The following OR2C3 variants were observed in gnomAD, a reference collection of about 807,000 sequenced individuals.
OR2C3 encodes olfactory receptor family 2 subfamily C member 3, also known as olfactory receptor 2C3.
For synonymous variants in OR2C3, 178 were observed against 163.4 expected, an observed-to-expected ratio of 1.09 and a Z score of -0.68; for missense variants, 425 against 401.5, an observed-to-expected ratio of 1.06 and a Z score of -0.50.
rs1666718212 is a variant in OR2C3 at position 247,527,239 on chromosome 1, T to C, written c.*4310A>G. On this transcript the variant is annotated 3_prime_UTR_variant, in exon 3 of 3. Coordinates refer to ENST00000641802, the MANE Select transcript of OR2C3 (RefSeq NM_198074.6). This position sits in a 1 kb window ranked among gnomAD's most constrained non-coding sequence, Gnocchi z 4.6. ...GTGCCAAACAGGGGCTGATGGATGG[T>C]CAGGGCAAAGCACAGTGCTGTCCTC... 2.6e-6 allele frequency: 1 copy of C among 378,616 alleles called. No individual in the cohort carries two copies. Among genetic ancestry groups the C allele is most frequent in the Admixed American group, 3.3e-5 (1 of 30,702 alleles). 23.5% of individuals were successfully genotyped at this position (378,616 alleles called of 1,614,324 possible).
rs939809145 is a variant in OR2C3 at position 247,528,193 on chromosome 1, C to T, written c.*3356G>A. The T allele has an allele frequency of 1.3e-5, 2 of 151,996 alleles. No individual in the cohort carries two copies. Among genetic ancestry groups the T allele is most frequent in the African/African-American group, 4.8e-5 (2 of 41,356 alleles). 9.4% of individuals were successfully genotyped at this position (151,996 alleles called of 1,614,324 possible). A position where few individuals can be genotyped will look rare whatever the true frequency, so the allele number is the denominator to read the frequency against. ...GTCTGCTTTTTTACTTCCCCTTCCC[C>T]CACCCCCAAGCCCCCAAAATTGTAT... On this transcript the variant is annotated 3_prime_UTR_variant, in exon 3 of 3. Transcript: ENST00000641802.
Position 247,531,648 on chromosome 1 carries a change from T to C in OR2C3, c.864A>G (p.Pro288=), listed in dbSNP as rs779837671. ...FYTVVTPALN[P]LIYTLRNTEV... ...CCGTGTTCCTCAGGGTGTAAATAAG[T>C]GGGTTCAGCGCAGGAGTGACTACGG... is the stretch of plus-strand genomic sequence containing the variant. Residue 288 remains proline, a synonymous_variant, in exon 3 of 3, where the codon CCA becomes CCG. Transcript: ENST00000641802. 3.1e-6 allele frequency: 5 copies of C among 1,614,126 alleles called. No homozygotes were observed. The South Asian group carries it at 5.5e-5, about 18-fold the overall frequency.
chr1:247,531,407 C>G lies in OR2C3; in HGVS notation c.*142G>C. 1.3e-6 allele frequency: 1 copy of G among 769,408 alleles called. No homozygotes were observed. Among genetic ancestry groups the G allele is most frequent in the Non-Finnish European group, 2.1e-6 (1 of 473,310 alleles). The allele number at this position is 769,408 out of a possible 1,614,324, so 47.7% of individuals were successfully genotyped here. A position where few individuals can be genotyped will look rare whatever the true frequency, so the allele number is the denominator to read the frequency against. ...ATGTATTTTCTTGGTCTGGAAATGGCATGAGCACACTCCTTTCAGATTTCC... is the reference window on the plus strand; with the variant it reads ...ATGTATTTTCTTGGTCTGGAAATGGGATGAGCACACTCCTTTCAGATTTCC... On this transcript the variant is annotated 3_prime_UTR_variant, in exon 3 of 3. Coordinates refer to ENST00000641802, the MANE Select transcript of OR2C3 (RefSeq NM_198074.6).
In OR2C3 at chr1:247,530,967, C is replaced by G. The variant is rs977080116; in HGVS notation, c.*582G>C. On this transcript the variant is annotated 3_prime_UTR_variant, in exon 3 of 3. Coordinates refer to ENST00000641802, the MANE Select transcript of OR2C3 (RefSeq NM_198074.6). ...GTCGGTGGGGTTGGGCCGGGAGACC[C>G]GCGGCCGGCGGGGTCCAGGCTGGGG... 1 of 153,308 alleles carries G rather than the reference C, an allele frequency of 6.5e-6. No individual in the cohort carries two copies. Among genetic ancestry groups the G allele is most frequent in the African/African-American group, 2.4e-5 (1 of 41,474 alleles). The allele number at this position is 153,308 out of a possible 1,614,324, so 9.5% of individuals were successfully genotyped here.
chr1:247,534,726 A>G (rs1572325141), intron 1 of OR2C3, among the ~76,000 whole-genome samples: 1 of 152,226 alleles, frequency 6.6e-6, no homozygotes, highest in South Asian at 2.1e-4. Context: ...TTAAAATCCC[A>G]GAGAGTAGAA....
Position 247,531,376 on chromosome 1 carries a change from T to C in OR2C3, c.*173A>G. Reference sequence around the variant, plus strand: ...GAACAAAACTATGATAATTAGCAAATAATAAATGTATTTTCTTGGTCTGGA... The same window carrying C: ...GAACAAAACTATGATAATTAGCAAACAATAAATGTATTTTCTTGGTCTGGA... On this transcript the variant is annotated 3_prime_UTR_variant, in exon 3 of 3. Transcript: ENST00000641802. 1.5e-6 allele frequency: 1 copy of C among 645,168 alleles called. No homozygotes were observed. Among genetic ancestry groups the C allele is most frequent in the Non-Finnish European group, 2.6e-6 (1 of 379,886 alleles). 40.0% of individuals were successfully genotyped at this position (645,168 alleles called of 1,614,324 possible).
rs758421798 is a variant in OR2C3 at position 247,532,311 on chromosome 1, G to A, written c.201C>T (p.Leu67=). Residue 67 remains leucine (L), a synonymous_variant, in exon 3 of 3, where the codon CTC becomes CTT. Transcript: ENST00000641802. ...TGGTGAAGCTCATGTCCAGGAAGGG[G>A]AGGTTGGCAAGAAAGAAGTACATAG... is the stretch of plus-strand genomic sequence containing the variant. ...HTPMYFFLAN[L]PFLDMSFTTS... is the part of the protein sequence containing the mutation. 1.9e-6 allele frequency: 3 copies of A among 1,614,194 alleles called. No homozygotes were observed. The highest frequency in any genetic ancestry group is 2.5e-6 in the Non-Finnish European group (3 of 1,180,032).
rs374766537 is a variant in OR2C3, at chr1:247,531,558, C to T, written c.954G>A (p.Ala318=). Residue 318 remains alanine (A), a synonymous_variant, in exon 3 of 3, where the codon GCG becomes GCA. Transcript: ENST00000641802. ...GAAGGCACTGGAGTCTCTAAATTTG[C>T]GCCAGCTTGCCTGCAGAGCCACAGC... ...ENCCGSAGKL[A]QI The T allele has an allele frequency of 4.2e-5, 68 of 1,612,856 alleles. 5 individuals are homozygous for T. In the South Asian group the frequency reaches 6.4e-4, roughly 15 times the overall value.
In OR2C3 at chr1:247,531,625, G is replaced by A; in HGVS notation, c.887C>T (p.Thr296Met). ...GTGCCGGAGGGCGCTCTTCACCTCC[G>A]TGTTCCTCAGGGTGTAAATAAGTGG... Reference protein sequence around the residue: ...LNPLIYTLRNTEVKSALRHMV... With the variant: ...LNPLIYTLRNMEVKSALRHMV... The change falls in exon 3 of 3, where the codon ACG becomes ATG. Residue 296 changes from threonine to methionine, a missense_variant. Thr to Met is a moderately conservative substitution (Grantham distance 81, BLOSUM62 -1). Transcript: ENST00000641802. 6.2e-7 allele frequency: 1 copy of A among 1,614,088 alleles called. No individual in the cohort carries two copies. Among genetic ancestry groups the A allele is most frequent in the Non-Finnish European group, 8.5e-7 (1 of 1,180,000 alleles).
chr1:247,531,215 A>G lies in OR2C3; in HGVS notation c.*334T>C. 3.6e-6 allele frequency: 1 copy of G among 280,950 alleles called. No individual in the cohort carries two copies. Among genetic ancestry groups the G allele is most frequent in the Non-Finnish European group, 6.7e-6 (1 of 148,322 alleles). 17.4% of individuals were successfully genotyped at this position (280,950 alleles called of 1,614,324 possible). ...TCCCCGCGCGCTCTCAGCGTCGTCA[A>G]AGTTTATTATCCACGGAGCGTCCTG... On this transcript the variant is annotated 3_prime_UTR_variant, in exon 3 of 3. Transcript: ENST00000641802.
Position 247,532,252 on chromosome 1 carries a change from C to T in OR2C3, c.260G>A (p.Trp87Ter). 1 of 1,614,198 alleles carries T rather than the reference C, an allele frequency of 6.2e-7. No individual in the cohort carries two copies. Among genetic ancestry groups the T allele is most frequent in the African/African-American group, 1.3e-5 (1 of 75,048 alleles). ...ATAGCTTATGGTTTTCTGTGGTCCCCAGAGGTTAGCCAGGAGCTGTGGGAC... is the reference window on the plus strand; with the variant it reads ...ATAGCTTATGGTTTTCTGTGGTCCCTAGAGGTTAGCCAGGAGCTGTGGGAC... ...SIVPQLLANL[W>*]GPQKTISYGG... Residue 87 changes from tryptophan (W) to a stop codon, truncating the protein, a stop_gained, in exon 3 of 3, where the codon TGG becomes TAG. Coordinates refer to ENST00000641802, the MANE Select transcript of OR2C3 (RefSeq NM_198074.6). LOFTEE classifies it low-confidence loss of function (END_TRUNC).
At position 247,532,171 on chromosome 1, in the gene OR2C3, A is replaced by G; in HGVS notation, c.341T>C (p.Val114Ala). 3 of 1,614,106 alleles carry G rather than the reference A, an allele frequency of 1.9e-6. No individual in the cohort carries two copies. The highest frequency in any genetic ancestry group is 2.5e-6 in the Non-Finnish European group (3 of 1,180,012). The change falls in exon 3 of 3, where the codon GTC (valine) becomes GCC (alanine). Residue 114 changes from valine to alanine, a missense_variant. By Grantham distance (64) the Val-to-Ala change is moderately conservative (BLOSUM62 0). Transcript: ENST00000641802. ...ISHWLGATEC[V>A]LLATMSYDRY... Reference sequence around the variant, plus strand: ...GTCATAGGACATGGTGGCCAGCAGGACACACTCGGTTGCCCCCAGCCAATG... The same window carrying G: ...GTCATAGGACATGGTGGCCAGCAGGGCACACTCGGTTGCCCCCAGCCAATG...
In OR2C3 at chr1:247,532,399, AC is replaced by A; in HGVS notation, c.112del (p.Val38TyrfsTer35). 6.2e-7 allele frequency: 1 copy of A among 1,614,106 alleles called. No individual in the cohort carries two copies. The highest frequency in any genetic ancestry group is 8.5e-7 in the Non-Finnish European group (1 of 1,180,014). Reference sequence around the variant, plus strand: ...GATGATGCCATTGCCCAAGATCGATACCATGTAAAAACTCAAGACAACTATG... The same window carrying A: ...GATGATGCCATTGCCCAAGATCGATACATGTAAAAACTCAAGACAACTATG... ...LFIVVLSFYM[V>X]SILGNGIIIL... On this transcript the variant is annotated frameshift_variant, in exon 3 of 3. Coordinates refer to ENST00000641802, the MANE Select transcript of OR2C3 (RefSeq NM_198074.6). LOFTEE classifies it low-confidence loss of function (END_TRUNC).
Position 247,527,973 on chromosome 1 carries a change from A to T in OR2C3, c.*3576T>A, listed in dbSNP as rs989341112. On this transcript the variant is annotated 3_prime_UTR_variant, in exon 3 of 3. Coordinates refer to ENST00000641802, the MANE Select transcript of OR2C3 (RefSeq NM_198074.6). The surrounding 1 kb of genome is among the most constrained non-coding windows in gnomAD (Gnocchi z 4.6). ...ATCAACCCTTTTTTAGCTTTCACAG[A>T]TGAATGAGAACATGCAGTATTTAAC... 6.6e-6 allele frequency: 1 copy of T among 152,142 alleles called. No homozygotes were observed. The highest frequency in any genetic ancestry group is 2.4e-5 in the African/African-American group (1 of 41,408). The allele number at this position is 152,142 out of a possible 1,614,324, so 9.4% of individuals were successfully genotyped here. A position where few individuals can be genotyped will look rare whatever the true frequency, so the allele number is the denominator to read the frequency against.
rs922025182 is a variant in OR2C3, at chr1:247,526,798, G to A, written c.*4751C>T. On this transcript the variant is annotated 3_prime_UTR_variant, in exon 3 of 3. Coordinates refer to ENST00000641802, the MANE Select transcript of OR2C3 (RefSeq NM_198074.6). This position sits in a 1 kb window ranked among gnomAD's most constrained non-coding sequence, Gnocchi z 4.8. ...GAGCCTAGAAAATTCTGACATATTC[G>A]GCTGAAAAGGGACCTGGCATCGAAA... is the stretch of plus-strand genomic sequence containing the variant. 1.1e-5 allele frequency: 4 copies of A among 358,390 alleles called. No individual in the cohort carries two copies. The highest frequency in any genetic ancestry group is 2.1e-5 in the African/African-American group (1 of 46,682). The allele number at this position is 358,390 out of a possible 1,614,324, so 22.2% of individuals were successfully genotyped here. A position where few individuals can be genotyped will look rare whatever the true frequency, so the allele number is the denominator to read the frequency against.
rs2103014176 is a variant in OR2C3 at position 247,536,172 on chromosome 1, G to T, written c.-406C>A. ...AAAATTCAAAATGTCACTTACTAAT[G>T]GTGAGCTAGCAGCATCATCTCTATT... is the stretch of plus-strand genomic sequence containing the variant. On this transcript the variant is annotated 5_prime_UTR_variant, in exon 1 of 3. Transcript: ENST00000641802. The T allele has an allele frequency of 6.6e-6, 1 of 152,248 alleles. No homozygotes were observed. The highest frequency in any genetic ancestry group is 2.1e-4 in the South Asian group (1 of 4,822). 9.4% of individuals were successfully genotyped at this position (152,248 alleles called of 1,614,324 possible). A position where few individuals can be genotyped will look rare whatever the true frequency, so the allele number is the denominator to read the frequency against.
At position 247,531,476 on chromosome 1, in the gene OR2C3, C is replaced by G; in HGVS notation, c.*73G>C. ...CAATATTAGAAGAAAAACGACATCC[C>G]AAGTGCCCTGTCTTCCAAGGTCACT... On this transcript the variant is annotated 3_prime_UTR_variant, in exon 3 of 3. Coordinates refer to ENST00000641802, the MANE Select transcript of OR2C3 (RefSeq NM_198074.6). The G allele has an allele frequency of 6.8e-7, 1 of 1,472,342 alleles. No individual in the cohort carries two copies. Among genetic ancestry groups the G allele is most frequent in the South Asian group, 1.3e-5 (1 of 77,002 alleles). The allele number at this position is 1,472,342 out of a possible 1,614,324, so 91.2% of individuals were successfully genotyped here.
At chr1:247,536,008 C>CT (rs1261885946) in intron 1 of OR2C3, among the ~76,000 whole-genome samples, 160 bp downstream of exon 1, 3 of 152,106 alleles carry the variant, frequency 2.0e-5, no homozygotes, top group Non-Finnish European at 2.9e-5. Flanking sequence ...AGGCAAGCTG[C>CT]TAGAATATCA....
rs1666926745 is a variant in OR2C3 at position 247,531,062 on chromosome 1, C to T, written c.*487G>A. 1 of 159,326 alleles carries T rather than the reference C, an allele frequency of 6.3e-6. No individual in the cohort carries two copies. Among genetic ancestry groups the T allele is most frequent in the Non-Finnish European group, 1.4e-5 (1 of 72,850 alleles). 9.9% of individuals were successfully genotyped at this position (159,326 alleles called of 1,614,324 possible). On this transcript the variant is annotated 3_prime_UTR_variant, in exon 3 of 3. Transcript: ENST00000641802. ...GTTCGCCGCGGCTTCAAGGCCTGGGCCGAGCGGGGGAGCCACAGCGAGGGT... is the reference window on the plus strand; with the variant it reads ...GTTCGCCGCGGCTTCAAGGCCTGGGTCGAGCGGGGGAGCCACAGCGAGGGT...
Sources: allele counts gnomAD v4.1 joint callset (sites outside exome capture counted in the v4.1 genomes callset), GRCh38; gene constraint gnomAD v4.1.1; non-coding constraint Gnocchi (gnomAD v3.1); transcripts MANE v1.5; gene names NCBI Gene and HGNC (gene_info 2026-07-23, HGNC 2026-07-21).